Variants in MGAT4D observed in about 807,000 individuals in gnomAD.
MGAT4D encodes the protein MGAT4 family member D.
In MGAT4D, 34 loss-of-function variants were observed where a neutral mutation model predicts 15.9. That is an observed-to-expected ratio of 2.14 (90% CI 1.62 to 2.84). MGAT4D has a LOEUF of 2.84. Among genes scored for constraint, MGAT4D ranks in the 30% most tolerant of loss-of-function variants. MGAT4D has a pLI of 0.00. For missense variants in MGAT4D, 327 were observed against 140.2 expected (o/e 2.33, Z -6.73); for synonymous variants, 112 against 48.2 (o/e 2.33, Z -5.49).
At position 140,473,448 on chromosome 4, in the gene MGAT4D, C is replaced by G. The variant is rs528056190; in HGVS notation, c.525+1365G>C. On this transcript the variant is annotated intron_variant, in intron 4 of 10. Transcript: ENST00000511113. ...TTATTTATTGAGCACTTACTATGTG[C>G]CACACATCACTCTAAGTACTTTAAA... is the stretch of plus-strand genomic sequence containing the variant. Among the ~76,000 whole-genome samples the G allele has an allele frequency of 4.6e-5, 7 of 152,266 alleles. 1 individual carries two copies. The East Asian group carries it at 1.4e-3, about 29-fold the overall frequency.
intron 6 of MGAT4D, 126 bp from the exon 7 acceptor site, chr4:140,462,130 TTTAC>T (rs1277653913): frequency 1.3e-5 from 7 of 523,814 alleles, no homozygotes; most frequent in African/African-American, 7.5e-5. Context: ...AGTAACTAAT[TTTAC>T]TTAATTAATT....
chr4:140,477,533 A>G (rs957658398), intron 3 of MGAT4D, among the ~76,000 whole-genome samples: 1 of 152,220 alleles, frequency 6.6e-6, no homozygotes, highest in African/African-American at 2.4e-5. Flanking sequence ...CAGAGGAGGT[A>G]TGTTCATTAT....
intron 10 of MGAT4D, among the ~76,000 whole-genome samples, chr4:140,445,590 T>A (rs942557427): frequency 1.3e-5 from 2 of 152,210 alleles, no homozygotes; most frequent in African/African-American, 4.8e-5. Context: ...ATCTTCATCA[T>A]ATGATCTTTA....
intron 1 of MGAT4D, among the ~76,000 whole-genome samples, chr4:140,485,774 G>C (rs1733071140): frequency 9.5e-6 from 1 of 105,588 alleles, no homozygotes; most frequent in Non-Finnish European, 1.7e-5. Flanking sequence ...CTGCACTGCT[G>C]CACTCCAGCC....
chr4:140,495,329 A>G (rs570914455), intron 1 of MGAT4D, among the ~76,000 whole-genome samples: 62 of 152,116 alleles, frequency 4.1e-4, no homozygotes, highest in Admixed American at 1.1e-3. Flanking sequence ...CCTTTCCCTA[A>G]CCCTGCCAAC....
intron 10 of MGAT4D, among the ~76,000 whole-genome samples, chr4:140,448,730 C>A (rs980218131): frequency 2.0e-5 from 3 of 152,162 alleles, no homozygotes; most frequent in Non-Finnish European, 2.9e-5. Context: ...GATTAAGAGC[C>A]TTTGCTAGAG....
chr4:140,484,957 T>C lies in MGAT4D; in HGVS notation c.95-2472A>G, dbSNP rs200266913. 0.021 allele frequency among the ~76,000 whole-genome samples: 3,209 copies of C among 152,308 alleles called. 169 individuals are homozygous for C. In the East Asian group the frequency reaches 0.23, roughly 11 times the overall value. ...AACACTTTTACACTGTTGGTGGGAC[T>C]GTAAACTAGTTCAACCATTGTGGAA... On this transcript the variant is annotated intron_variant, in intron 1 of 10. Transcript: ENST00000511113.
intron 4 of MGAT4D, among the ~76,000 whole-genome samples, chr4:140,474,582 C>A (rs1245592147): frequency 1.3e-5 from 2 of 152,160 alleles, no homozygotes; most frequent in Non-Finnish European, 2.9e-5. Flanking sequence ...TCTTATATTT[C>A]CCACATGAAG....
intron 1 of MGAT4D, among the ~76,000 whole-genome samples, chr4:140,485,103 T>TAC (rs764789190): frequency 3.9e-5 from 6 of 152,312 alleles, no homozygotes; most frequent in Non-Finnish European, 7.3e-5. Flanking sequence ...CATGCACACG[T>TAC]ATGTTTACTG....
chr4:140,481,843 T>G (rs1439276890), intron 2 of MGAT4D, among the ~76,000 whole-genome samples: 1 of 152,178 alleles, frequency 6.6e-6, no homozygotes, highest in Non-Finnish European at 1.5e-5. Flanking sequence ...GCAGGACTTT[T>G]TGTCCTGCAG....
rs1425249710 is a variant in MGAT4D at position 140,466,534 on chromosome 4, T to C, written c.573-1525A>G. Among the ~76,000 whole-genome samples, 3 of 152,174 alleles carry C rather than the reference T, an allele frequency of 2.0e-5. No homozygotes were observed. In the East Asian group the frequency reaches 5.8e-4, roughly 29 times the overall value. On this transcript the variant is annotated intron_variant, in intron 5 of 10. Coordinates refer to ENST00000511113, the MANE Select transcript of MGAT4D (RefSeq NM_001277353.2). ...CAAGGACCATTTAAATTACTCTTGATAAAATTTTTAAAAGAAATCAAATCA... is the reference window on the plus strand; with the variant it reads ...CAAGGACCATTTAAATTACTCTTGACAAAATTTTTAAAAGAAATCAAATCA...
chr4:140,455,767 C>T (rs1730755522), intron 9 of MGAT4D, among the ~76,000 whole-genome samples: 2 of 152,116 alleles, frequency 1.3e-5, no homozygotes, highest in Non-Finnish European at 2.9e-5. Context: ...TAAATTAACC[C>T]TTTTATTATA....
In MGAT4D at chr4:140,498,191, G is replaced by A; in HGVS notation, c.32C>T (p.Thr11Ile). 1.4e-6 allele frequency: 1 copy of A among 702,646 alleles called. No individual in the cohort carries two copies. The highest frequency in any genetic ancestry group is 2.6e-6 in the Non-Finnish European group (1 of 384,732). 43.5% of individuals were successfully genotyped at this position (702,646 alleles called of 1,614,324 possible). A position where few individuals can be genotyped will look rare whatever the true frequency, so the allele number is the denominator to read the frequency against. Residue 11 changes from threonine (T) to isoleucine (I), a missense_variant, in exon 1 of 11, where the codon ACC (threonine) becomes ATC (isoleucine). Coordinates refer to ENST00000511113, the MANE Select transcript of MGAT4D (RefSeq NM_001277353.2). MRTKQVNLLI[T>I]LVAVALFSFS... is the part of the protein sequence containing the mutation. ...GCTGAACAACGCGACGGCGACCAGGGTGATCAGCAAGTTCACCTGCTTGGT... is the reference window on the plus strand; with the variant it reads ...GCTGAACAACGCGACGGCGACCAGGATGATCAGCAAGTTCACCTGCTTGGT...
chr4:140,491,242 A>ATCTATTTT (rs1201234506), intron 1 of MGAT4D, among the ~76,000 whole-genome samples: 1 of 152,156 alleles, frequency 6.6e-6, no homozygotes, highest in East Asian at 1.9e-4. Context: ...AGTAATAACA[A>ATCTATTTT]TCTATTTTGT....
At chr4:140,477,485 G>A (rs1339972069) in intron 3 of MGAT4D, among the ~76,000 whole-genome samples, 1 of 152,214 alleles carries the variant, frequency 6.6e-6, no homozygotes, top group East Asian at 1.9e-4. Context: ...AAGTCATATT[G>A]GATAAGGGAG....
chr4:140,476,359 T>C (rs1345100294), intron 3 of MGAT4D, among the ~76,000 whole-genome samples: 3 of 152,220 alleles, frequency 2.0e-5, no homozygotes, highest in Non-Finnish European at 2.9e-5. Flanking sequence ...TCATCCATTT[T>C]CTTTGTTGTT....
In MGAT4D at chr4:140,451,447, A is replaced by G; in HGVS notation, c.1079T>C (p.Ile360Thr). The G allele has an allele frequency of 1.6e-6, 1 of 634,012 alleles. No individual in the cohort carries two copies. The highest frequency in any genetic ancestry group is 2.2e-5 in the Admixed American group (1 of 44,982). 39.3% of individuals were successfully genotyped at this position (634,012 alleles called of 1,614,324 possible). A position where few individuals can be genotyped will look rare whatever the true frequency, so the allele number is the denominator to read the frequency against. The change falls in exon 10 of 11, where the codon ATA becomes ACA. Residue 360 changes from isoleucine to threonine, a missense_variant. Ile to Thr is a moderately conservative substitution (Grantham distance 89, BLOSUM62 -1). Coordinates refer to ENST00000511113, the MANE Select transcript of MGAT4D (RefSeq NM_001277353.2). ...YKPSLFQHVGIHSSFPRKEQY... is the reference protein window; with the variant it reads ...YKPSLFQHVGTHSSFPRKEQY... ...TTCTTTTCTAGGGAATGATGAATGTATACCCACATGCTGGAAAAGAGAAGG... is the reference window on the plus strand; with the variant it reads ...TTCTTTTCTAGGGAATGATGAATGTGTACCCACATGCTGGAAAAGAGAAGG...
At chr4:140,460,590 C>T (rs905419919) in intron 7 of MGAT4D, among the ~76,000 whole-genome samples, 1 of 152,204 alleles carries the variant, frequency 6.6e-6, no homozygotes, top group Non-Finnish European at 1.5e-5. Flanking sequence ...AGTCCAAGCA[C>T]TTTGGGAGGA....
intron 7 of MGAT4D, among the ~76,000 whole-genome samples, chr4:140,460,275 A>G (rs1354013112): frequency 6.6e-6 from 1 of 152,220 alleles, no homozygotes; most frequent in East Asian, 1.9e-4. Flanking sequence ...TAGTTTATAA[A>G]CAACAAACAT....
Sources: allele counts gnomAD v4.1 joint callset (sites outside exome capture counted in the v4.1 genomes callset), GRCh38; gene constraint gnomAD v4.1.1; transcripts MANE v1.5; gene names NCBI Gene and HGNC (gene_info 2026-07-23, HGNC 2026-07-21).